Variants in XPR1 observed in about 807,000 individuals in gnomAD.
XPR1 encodes xenotropic and polytropic retrovirus receptor 1.
XPR1 carries 28 observed loss-of-function variants against 87.5 expected under a neutral mutation model. The observed-to-expected ratio is 0.32, with a 90% CI of 0.24 to 0.44. The LOEUF (loss-of-function observed/expected upper bound fraction) is 0.44. XPR1 is among the 20% of genes least tolerant of loss of function. The pLI is 1.00. For missense variants in XPR1, 559 were observed against 862.3 expected (o/e 0.65, Z 4.41); for synonymous variants, 300 against 306.1 (o/e 0.98, Z 0.21).
chr1:180,800,920 T>C (rs74602903), intron 3 of XPR1, among the ~76,000 whole-genome samples: 2,412 of 152,324 alleles, frequency 0.016, 76 homozygotes, highest in African/African-American at 0.056. Context: ...CTCTCTGTTG[T>C]AGTGACTAAT....
chr1:180,677,299 T>C (rs1044037886), intron 1 of XPR1, among the ~76,000 whole-genome samples: 1 of 152,232 alleles, frequency 6.6e-6, no homozygotes, highest in African/African-American at 2.4e-5. Context: ...TAGAACCGTC[T>C]ATACAGGAGA....
intron 2 of XPR1, among the ~76,000 whole-genome samples, chr1:180,738,692 G>C (rs558696714): frequency 2.0e-5 from 3 of 152,152 alleles, no homozygotes; most frequent in African/African-American, 7.2e-5. Flanking sequence ...TTTGCCATTA[G>C]TATTTCCCAG....
chr1:180,786,275 C>T (rs1399564951), intron 2 of XPR1, among the ~76,000 whole-genome samples: 10 of 152,134 alleles, frequency 6.6e-5, no homozygotes, highest in Non-Finnish European at 1.5e-5. Flanking sequence ...ACAAATTATA[C>T]CATGCAATAA....
chr1:180,778,336 T>C (rs931084173), intron 2 of XPR1, among the ~76,000 whole-genome samples: 10 of 152,186 alleles, frequency 6.6e-5, no homozygotes, highest in Non-Finnish European at 1.3e-4. Context: ...ATCTTTCTGC[T>C]GTCATATCCC....
At chr1:180,877,989 C>T (rs1326078485) in intron 13 of XPR1, 1 of 152,122 alleles carries the variant, frequency 6.6e-6, no homozygotes, top group Non-Finnish European at 1.5e-5. Context: ...AAGCTGGAAA[C>T]GGAAGATAAA....
rs1340509050 is a variant in XPR1, at chr1:180,886,591, A to G, written c.*2525A>G. On this transcript the variant is annotated 3_prime_UTR_variant, in exon 15 of 15. Transcript: ENST00000367590. Reference sequence around the variant, plus strand: ...AGTGTTTGTCGGATTGGCATAGTCTATTCAAAAATAAGGCTTATGTAACTT... The same window carrying G: ...AGTGTTTGTCGGATTGGCATAGTCTGTTCAAAAATAAGGCTTATGTAACTT... The G allele has an allele frequency of 6.6e-6, 1 of 152,236 alleles. No individual in the cohort carries two copies. Among genetic ancestry groups the G allele is most frequent in the African/African-American group, 2.4e-5 (1 of 41,464 alleles). 9.4% of individuals were successfully genotyped at this position (152,236 alleles called of 1,614,324 possible).
At chr1:180,763,991 C>A (rs934109907) in intron 2 of XPR1, among the ~76,000 whole-genome samples, 1 of 152,202 alleles carries the variant, frequency 6.6e-6, no homozygotes, top group South Asian at 2.1e-4. Context: ...TGTGTTTTTA[C>A]CGTGAATGCA....
chr1:180,879,394 G>T (rs1652770468), intron 13 of XPR1, among the ~76,000 whole-genome samples: 1 of 152,082 alleles, frequency 6.6e-6, no homozygotes, highest in South Asian at 2.1e-4. Flanking sequence ...TTAAACTATG[G>T]GTTATAAGGC....
intron 11 of XPR1, 100 bp downstream of exon 11, chr1:180,836,816 T>C: frequency 7.2e-7 from 1 of 1,379,704 alleles, no homozygotes. Flanking sequence ...TCATGCTCTT[T>C]TTTTTCCACT....
intron 2 of XPR1, among the ~76,000 whole-genome samples, chr1:180,692,009 C>T (rs1009078519): frequency 1.3e-5 from 2 of 152,130 alleles, no homozygotes; most frequent in African/African-American, 4.8e-5. Context: ...CCCCTCTCCC[C>T]AGTTTCCACT....
rs1033756711 is a variant in XPR1 at position 180,732,381 on chromosome 1, G to T, written c.121+49970G>T. ...TAACTCCTAGTAAGATTTTTCAGAA[G>T]CTCATGTATTTTTTATTACTGTTTT... On this transcript the variant is annotated intron_variant, in intron 2 of 14. Transcript: ENST00000367590. Among the ~76,000 whole-genome samples, 6 of 152,006 alleles carry T rather than the reference G, an allele frequency of 3.9e-5. No homozygotes were observed. The Middle Eastern group carries it at 0.01, about 259-fold the overall frequency.
intron 2 of XPR1, among the ~76,000 whole-genome samples, chr1:180,719,845 T>C (rs1356733769): frequency 6.6e-6 from 1 of 152,238 alleles, no homozygotes; most frequent in Non-Finnish European, 1.5e-5. Flanking sequence ...CATCTCATTT[T>C]AAGTTAGATG....
intron 1 of XPR1, among the ~76,000 whole-genome samples, chr1:180,633,391 C>T (rs771427367): frequency 2.0e-5 from 3 of 152,198 alleles, no homozygotes; most frequent in Non-Finnish European, 4.4e-5. Flanking sequence ...TATGAACACA[C>T]ATAACTTAGC....
chr1:180,717,752 AC>A (rs1382610943), intron 2 of XPR1, among the ~76,000 whole-genome samples: 1 of 152,194 alleles, frequency 6.6e-6, no homozygotes. Context: ...CCCTGTGTTC[AC>A]TGCTGGTAGC....
intron 1 of XPR1, among the ~76,000 whole-genome samples, chr1:180,649,475 A>G (rs1353766064): frequency 6.6e-6 from 1 of 152,130 alleles, no homozygotes; most frequent in East Asian, 1.9e-4. Flanking sequence ...ATGCGTAACT[A>G]AATATTAAGT....
chr1:180,723,692 T>A (rs1469825867), intron 2 of XPR1, among the ~76,000 whole-genome samples: 2 of 152,204 alleles, frequency 1.3e-5, no homozygotes, highest in African/African-American at 4.8e-5. Context: ...GAACCTCCTC[T>A]CTGTCCTTTA....
chr1:180,778,203 C>T (rs1648798764), intron 2 of XPR1, among the ~76,000 whole-genome samples: 1 of 152,024 alleles, frequency 6.6e-6, no homozygotes, highest in Non-Finnish European at 1.5e-5. Context: ...AGACTGGTCT[C>T]CAACTCCTGG....
intron 2 of XPR1, among the ~76,000 whole-genome samples, chr1:180,684,322 C>T (rs978934902): frequency 6.6e-6 from 1 of 152,090 alleles, no homozygotes; most frequent in Non-Finnish European, 1.5e-5. Flanking sequence ...TTCCATTGAT[C>T]TATATCTCTG....
intron 2 of XPR1, among the ~76,000 whole-genome samples, chr1:180,768,182 A>G (rs931921599): frequency 2.6e-5 from 4 of 152,090 alleles, no homozygotes; most frequent in African/African-American, 4.8e-5. Flanking sequence ...GTTAAACTGA[A>G]TGAGTAGAGG....
Sources: allele counts gnomAD v4.1 joint callset (sites outside exome capture counted in the v4.1 genomes callset), GRCh38; gene constraint gnomAD v4.1.1; transcripts MANE v1.5; gene names NCBI Gene and HGNC (gene_info 2026-07-23, HGNC 2026-07-21).